The following SORCS3 variants were observed in gnomAD, a reference collection of about 807,000 sequenced individuals.
The protein encoded by SORCS3 is VPS10 domain-containing receptor SorCS3.
In SORCS3, 57 loss-of-function variants were observed where a neutral mutation model predicts 146.3. The observed-to-expected ratio is 0.39, with a 90% CI of 0.31 to 0.49. The LOEUF (loss-of-function observed/expected upper bound fraction) is 0.49, where lower values mean the gene tolerates loss of function less well. Among genes scored for constraint, SORCS3 ranks in the 20% least tolerant of loss-of-function variants. The probability of loss-of-function intolerance (pLI) is 0.92; values close to 1 mark genes in which losing one functional copy is unlikely to be tolerated. For missense variants in SORCS3, 1,341 were observed against 1,575.5 expected, an observed-to-expected ratio of 0.85 and a Z score of 2.52; for synonymous variants, 653 against 618.5, an observed-to-expected ratio of 1.06 and a Z score of -0.83.
At chr10:104,997,542 A>G (rs2133668842) in intron 4 of SORCS3, among the ~76,000 whole-genome samples, 1 of 152,280 alleles carries the variant, frequency 6.6e-6, no homozygotes, top group South Asian at 2.1e-4. Flanking sequence ...CCCACTGTAG[A>G]TGCTTCCAGT....
intron 1 of SORCS3, among the ~76,000 whole-genome samples, chr10:104,758,875 C>T (rs2017089069): frequency 1.3e-5 from 2 of 152,182 alleles, no homozygotes; most frequent in Admixed American, 1.3e-4. Context: ...CCAGACATGA[C>T]TTCACTCTGA....
At chr10:104,756,425 C>G (rs553361296) in intron 1 of SORCS3, among the ~76,000 whole-genome samples, 41 of 152,314 alleles carry the variant, frequency 2.7e-4, no homozygotes, top group Middle Eastern at 3.4e-3. Flanking sequence ...TAAAGTTGGA[C>G]TGGATGATCT....
intron 1 of SORCS3, among the ~76,000 whole-genome samples, chr10:104,755,001 G>A (rs1225674762): frequency 6.6e-6 from 1 of 152,156 alleles, no homozygotes; most frequent in Non-Finnish European, 1.5e-5. Context: ...AATTAGAAAA[G>A]GTGCAATTGA....
intron 1 of SORCS3, among the ~76,000 whole-genome samples, chr10:104,684,779 G>GTTTTTTT (rs764055039): frequency 1.2e-5 from 1 of 81,536 alleles, no homozygotes; most frequent in Non-Finnish European, 2.3e-5. Context: ...AGTCCTCAGT[G>GTTTTTTT]TTTTTTTTTT....
At chr10:105,110,652 A>C (rs534128011) in intron 7 of SORCS3, among the ~76,000 whole-genome samples, 14 of 152,066 alleles carry the variant, frequency 9.2e-5, no homozygotes, top group African/African-American at 3.4e-4. Context: ...AGACAGAACC[A>C]CCTGGAACAC....
At chr10:105,257,018 G>A (rs2056935757) in intron 25 of SORCS3, 94 bp downstream of exon 25, 2 of 892,212 alleles carry the variant, frequency 2.2e-6, no homozygotes, top group East Asian at 5.2e-5. Context: ...TCGCAAGAAT[G>A]TGATTTTTAA....
rs71482448 is a variant in SORCS3 at position 105,175,214 on chromosome 10, ATTTTT to A, written c.1902-2836_1902-2832del. Among the ~76,000 whole-genome samples, 216 of 134,644 alleles carry A rather than the reference ATTTTT, an allele frequency of 1.6e-3. 5 individuals are homozygous for A. The South Asian group carries it at 0.043, about 27-fold the overall frequency. The allele number at this position is 134,644 out of a possible 152,430, so 88.3% of individuals were successfully genotyped here. A position where few individuals can be genotyped will look rare whatever the true frequency, so the allele number is the denominator to read the frequency against. Reference sequence around the variant, plus strand: ...AGGCATGCGCCATCATGCTTGGCTAATTTTTTTTTTTTTTTTTTTTGTATTTAGTA... The same window carrying A: ...AGGCATGCGCCATCATGCTTGGCTAATTTTTTTTTTTTTTTGTATTTAGTA... On this transcript the variant is annotated intron_variant, in intron 13 of 26. Coordinates refer to ENST00000369701, the MANE Select transcript of SORCS3 (RefSeq NM_014978.3).
intron 1 of SORCS3, among the ~76,000 whole-genome samples, chr10:104,807,374 G>A (rs1057275904): frequency 1.3e-5 from 2 of 152,078 alleles, no homozygotes; most frequent in African/African-American, 4.8e-5. Context: ...GATATGAAGT[G>A]GAAATTTTTA....
intron 5 of SORCS3, among the ~76,000 whole-genome samples, chr10:105,047,966 A>G (rs2055385211): frequency 6.6e-6 from 1 of 152,132 alleles, no homozygotes; most frequent in Non-Finnish European, 1.5e-5. Flanking sequence ...GAGAAATGCA[A>G]ATCAAAACCA....
chr10:104,726,783 C>T (rs1444507618), intron 1 of SORCS3, among the ~76,000 whole-genome samples: 1 of 152,098 alleles, frequency 6.6e-6, no homozygotes, highest in Non-Finnish European at 1.5e-5. Flanking sequence ...ATGAGCCTTG[C>T]CTGCCCCATC....
chr10:104,672,998 A>G (rs866968233), intron 1 of SORCS3, among the ~76,000 whole-genome samples: 15 of 152,040 alleles, frequency 9.9e-5, no homozygotes, highest in African/African-American at 3.6e-4. Flanking sequence ...ATTAATGTAT[A>G]TTGTCCTTCT....
At chr10:105,116,097 T>C (rs1041559627) in intron 7 of SORCS3, among the ~76,000 whole-genome samples, 17 of 152,200 alleles carry the variant, frequency 1.1e-4, no homozygotes, top group Non-Finnish European at 8.8e-5. Flanking sequence ...ATGATTATAG[T>C]GGTTTGCTGT....
At chr10:104,878,054 T>G (rs2018594360) in intron 2 of SORCS3, among the ~76,000 whole-genome samples, 1 of 152,174 alleles carries the variant, frequency 6.6e-6, no homozygotes. Flanking sequence ...TTGGGAAATA[T>G]ACACAGATTC....
At chr10:104,765,256 C>G (rs780130648) in intron 1 of SORCS3, among the ~76,000 whole-genome samples, 2 of 152,218 alleles carry the variant, frequency 1.3e-5, no homozygotes, top group African/African-American at 4.8e-5. Flanking sequence ...CCTCAACTCT[C>G]CTTTTCCTCA....
chr10:105,124,112 C>T (rs6584652), intron 7 of SORCS3, among the ~76,000 whole-genome samples: 29,340 of 152,036 alleles, frequency 0.19, 3,060 homozygotes, highest in Admixed American at 0.24. Flanking sequence ...GAAATCAATC[C>T]CTGCAATTTA....
At chr10:105,123,741 A>G (rs1234974760) in intron 7 of SORCS3, among the ~76,000 whole-genome samples, 1 of 152,174 alleles carries the variant, frequency 6.6e-6, no homozygotes, top group African/African-American at 2.4e-5. Flanking sequence ...GTGAGAGACA[A>G]TAATAGGAGG....
At chr10:104,673,455 G>T (rs1299344575) in intron 1 of SORCS3, among the ~76,000 whole-genome samples, 1 of 147,406 alleles carries the variant, frequency 6.8e-6, no homozygotes, top group Non-Finnish European at 1.5e-5. Context: ...TGTATTTTTT[G>T]ATGTTGTTGT....
At chr10:104,701,650 A>G (rs2016280382) in intron 1 of SORCS3, among the ~76,000 whole-genome samples, 4 of 152,238 alleles carry the variant, frequency 2.6e-5, no homozygotes, top group South Asian at 4.1e-4. Context: ...AAATAGAATG[A>G]AAAAACTTTG....
At chr10:104,846,944 A>G (rs1025981070) in intron 2 of SORCS3, among the ~76,000 whole-genome samples, 1 of 152,200 alleles carries the variant, frequency 6.6e-6, no homozygotes, top group African/African-American at 2.4e-5. Context: ...ACAGTGTCAT[A>G]TATCCATCTT....
Sources: allele counts gnomAD v4.1 joint callset (sites outside exome capture counted in the v4.1 genomes callset), GRCh38; gene constraint gnomAD v4.1.1; transcripts MANE v1.5; gene names NCBI Gene and HGNC (gene_info 2026-07-23, HGNC 2026-07-21).